The following GNAL variants were observed in gnomAD, a reference collection of about 807,000 sequenced individuals.
The protein encoded by GNAL is guanine nucleotide-binding protein G(olf) subunit alpha.
GNAL carries 18 observed loss-of-function variants against 55.1 expected under a neutral mutation model. The observed-to-expected ratio is 0.33, with a 90% CI of 0.23 to 0.48. GNAL has a LOEUF of 0.48. Among genes scored for constraint, GNAL ranks in the 20% least tolerant of loss-of-function variants. GNAL has a pLI of 0.99. For missense variants in GNAL, 412 were observed against 614.1 expected, an observed-to-expected ratio of 0.67 and a Z score of 3.48; for synonymous variants, 253 against 237.0, an observed-to-expected ratio of 1.07 and a Z score of -0.62.
intron 5 of GNAL, chr18:11,851,577 C>G (rs779686955): frequency 1.2e-6 from 2 of 1,612,316 alleles, no homozygotes; most frequent in Admixed American, 1.7e-5. Context: ...GTAGGAGTGC[C>G]AAAAAATGCG....
At chr18:11,867,427 C>T (rs111494499) in intron 8 of GNAL, among the ~76,000 whole-genome samples, 2 of 152,188 alleles carry the variant, frequency 1.3e-5, no homozygotes, top group African/African-American at 4.8e-5. Flanking sequence ...GCCCGTAATC[C>T]CAGCACCTTG....
chr18:11,689,727 G>C lies in GNAL; in HGVS notation c.164G>C (p.Arg55Pro). 2 of 1,499,124 alleles carry C rather than the reference G, an allele frequency of 1.3e-6. No homozygotes were observed. Among genetic ancestry groups the C allele is most frequent in the Non-Finnish European group, 1.8e-6 (2 of 1,128,564 alleles). 92.9% of individuals were successfully genotyped at this position (1,499,124 alleles called of 1,614,324 possible). The change falls in exon 1 of 12, where the codon CGG becomes CCG. Residue 55 changes from arginine to proline, a missense_variant. This residue lies in a region of GNAL where 228 missense variants were observed against 194.8 expected (regional missense o/e 1.17). Coordinates refer to ENST00000334049, the MANE Select transcript of GNAL (RefSeq NM_182978.4). ...GACACGGCCCGGACCCTGCTCCCTC[G>C]GGGCGGCGAAGGGAGCCCGGCATGC... is the stretch of plus-strand genomic sequence containing the variant. ...ARDTARTLLP[R>P]GGEGSPACAR... is the part of the protein sequence containing the mutation.
chr18:11,693,320 A>G lies in GNAL; in HGVS notation c.376+3381A>G, dbSNP rs1454176569. 2.6e-5 allele frequency among the ~76,000 whole-genome samples: 4 copies of G among 152,232 alleles called. No individual in the cohort carries two copies. In the East Asian group the frequency reaches 7.7e-4, roughly 29 times the overall value. Reference sequence around the variant, plus strand: ...AAGTACTCTTTGAAGACATCATCTCATAGCCTCATAGAGTTTATATATCAG... The same window carrying G: ...AAGTACTCTTTGAAGACATCATCTCGTAGCCTCATAGAGTTTATATATCAG... On this transcript the variant is annotated intron_variant, in intron 1 of 11. Transcript: ENST00000334049.
intron 5 of GNAL, among the ~76,000 whole-genome samples, chr18:11,843,908 G>A (rs112815267): frequency 2.2e-4 from 33 of 152,208 alleles, no homozygotes; most frequent in African/African-American, 5.5e-4. Flanking sequence ...GGGAGGCAGA[G>A]GTTTCAGTGA....
intron 7 of GNAL, 45 bp from the exon 8 acceptor site, chr18:11,867,122 TC>T: frequency 7.0e-7 from 1 of 1,434,434 alleles, no homozygotes; most frequent in Non-Finnish European, 9.8e-7. Context: ...TTTGCCATTG[TC>T]CCCTGCTTCC....
chr18:11,798,110 A>G (rs753592075), intron 4 of GNAL, among the ~76,000 whole-genome samples: 26 of 152,136 alleles, frequency 1.7e-4, no homozygotes, highest in Admixed American at 5.2e-4. Flanking sequence ...GCTGTCTCCT[A>G]TAGTCCCAGT....
chr18:11,881,337 C>CG lies in GNAL; in HGVS notation c.*202_*203insG. 2.1e-6 allele frequency: 1 copy of CG among 472,266 alleles called. No individual in the cohort carries two copies. Among genetic ancestry groups the CG allele is most frequent in the South Asian group, 3.9e-5 (1 of 25,884 alleles). The allele number at this position is 472,266 out of a possible 1,614,324, so 29.3% of individuals were successfully genotyped here. On this transcript the variant is annotated 3_prime_UTR_variant, in exon 12 of 12. Transcript: ENST00000334049. The surrounding 1 kb of genome is among the most constrained non-coding windows in gnomAD (Gnocchi z 4.8). ...TGTCATTGAATACGGCCTCCCGCAG[C>CG]ATCCCACCCCCAAACCACCGACTCT... is the stretch of plus-strand genomic sequence containing the variant.
rs1366855914 is a variant in GNAL, at chr18:11,884,983, C to T, written c.*3848C>T. 7.4e-5 allele frequency: 96 copies of T among 1,301,740 alleles called. No individual in the cohort carries two copies. The highest frequency in any genetic ancestry group is 8.7e-5 in the Non-Finnish European group (87 of 999,178). 80.6% of individuals were successfully genotyped at this position (1,301,740 alleles called of 1,614,324 possible). ...GTGGAGTTCCAGGGTCATCGGTCAGCGAGGAACAAGGAGGGAAAGGTGTCT... is the reference window on the plus strand; with the variant it reads ...GTGGAGTTCCAGGGTCATCGGTCAGTGAGGAACAAGGAGGGAAAGGTGTCT... On this transcript the variant is annotated 3_prime_UTR_variant, in exon 12 of 12. Transcript: ENST00000334049.
At chr18:11,833,634 C>T (rs1598415379) in intron 5 of GNAL, 1 of 152,172 alleles carries the variant, frequency 6.6e-6, no homozygotes, top group Non-Finnish European at 1.5e-5. Context: ...GCAGTGGCTT[C>T]CCATTCCTTA....
At chr18:11,796,360 G>C (rs181703139) in intron 4 of GNAL, among the ~76,000 whole-genome samples, 1 of 151,214 alleles carries the variant, frequency 6.6e-6, no homozygotes, top group South Asian at 2.1e-4. Context: ...GGCGGATCAC[G>C]AGGTCGGGAG....
At chr18:11,862,072 G>A (rs1293928575) in intron 5 of GNAL, among the ~76,000 whole-genome samples, 4 of 151,318 alleles carry the variant, frequency 2.6e-5, no homozygotes, top group Admixed American at 1.3e-4. Flanking sequence ...TCTTGTACTC[G>A]CTTAGCCTTG....
intron 9 of GNAL, among the ~76,000 whole-genome samples, 168 bp from the exon 10 acceptor site, chr18:11,872,100 T>G (rs752396550): frequency 1.3e-5 from 2 of 152,234 alleles, no homozygotes; most frequent in Non-Finnish European, 2.9e-5. Context: ...CTATATTTGT[T>G]TATCATTCTT....
chr18:11,872,419 CTTATGA>C (rs2036418373), intron 10 of GNAL, 21 bp downstream of exon 10: 2 of 1,468,354 alleles, frequency 1.4e-6, no homozygotes, highest in South Asian at 2.4e-5. Flanking sequence ...AAAACACATT[CTTATGA>C]TTGAGGAATA....
intron 4 of GNAL, among the ~76,000 whole-genome samples, chr18:11,759,286 T>C (rs1180864247): frequency 1.3e-5 from 2 of 152,254 alleles, no homozygotes; most frequent in Non-Finnish European, 2.9e-5. Flanking sequence ...AATTGAGTTA[T>C]TCATTTGTTT....
At chr18:11,794,759 TAAA>T (rs775143875) in intron 4 of GNAL, among the ~76,000 whole-genome samples, 5 of 90,354 alleles carry the variant, frequency 5.5e-5, no homozygotes, top group East Asian at 3.2e-4. Context: ...ACACACAGGT[TAAA>T]AAAAAAAAAA....
intron 10 of GNAL, among the ~76,000 whole-genome samples, chr18:11,875,591 G>A (rs757561472): frequency 4.4e-4 from 67 of 152,084 alleles, no homozygotes; most frequent in Admixed American, 5.9e-4. Flanking sequence ...TCTCTCTCTC[G>A]CTCCTGCCCT....
rs1216427428 is a variant in GNAL, at chr18:11,881,322, T to C, written c.*187T>C. ...TTGTGTAGCTTCTGTTGTCATTGAA[T>C]ACGGCCTCCCGCAGCATCCCACCCC... is the stretch of plus-strand genomic sequence containing the variant. On this transcript the variant is annotated 3_prime_UTR_variant, in exon 12 of 12. Coordinates refer to ENST00000334049, the MANE Select transcript of GNAL (RefSeq NM_182978.4). The surrounding 1 kb of genome is among the most constrained non-coding windows in gnomAD (Gnocchi z 4.8). The C allele has an allele frequency of 1.9e-6, 1 of 514,494 alleles. No homozygotes were observed. The highest frequency in any genetic ancestry group is 3.4e-6 in the Non-Finnish European group (1 of 291,190). The allele number at this position is 514,494 out of a possible 1,614,324, so 31.9% of individuals were successfully genotyped here.
chr18:11,786,187 A>AGATAACC (rs2034051201), intron 4 of GNAL, among the ~76,000 whole-genome samples: 1 of 152,126 alleles, frequency 6.6e-6, no homozygotes, highest in South Asian at 2.1e-4. Context: ...ACCCTGGAGG[A>AGATAACC]GATAACCATG....
At chr18:11,738,165 C>G (rs1326354147) in intron 1 of GNAL, among the ~76,000 whole-genome samples, 1 of 152,234 alleles carries the variant, frequency 6.6e-6, no homozygotes, top group Non-Finnish European at 1.5e-5. Context: ...TTTCTCTCTT[C>G]TAGCTCCTCT....
Sources: allele counts gnomAD v4.1 joint callset (sites outside exome capture counted in the v4.1 genomes callset), GRCh38; gene constraint gnomAD v4.1.1; regional missense constraint gnomAD v4.1.1; non-coding constraint Gnocchi (gnomAD v3.1); transcripts MANE v1.5; gene names NCBI Gene and HGNC (gene_info 2026-07-23, HGNC 2026-07-21).